The following ZC3H6 variants were observed in gnomAD, a reference collection of about 807,000 sequenced individuals.
ZC3H6 encodes the protein zinc finger CCCH domain-containing protein 6.
A neutral mutation model predicts 107.7 loss-of-function variants in ZC3H6; 40 were observed. The ratio of observed to expected loss-of-function variants is 0.37; its 90% CI spans 0.29 to 0.48. The LOEUF (loss-of-function observed/expected upper bound fraction) is 0.48. Among genes scored for constraint, ZC3H6 ranks in the 20% least tolerant of loss-of-function variants. ZC3H6 has a pLI of 0.98. For missense variants in ZC3H6, 1,267 were observed against 1,410.4 expected (o/e 0.90, Z 1.63); for synonymous variants, 493 against 487.9 (o/e 1.01, Z -0.14).
Position 112,316,479 on chromosome 2 carries a change from C to A in ZC3H6, c.757C>A (p.Pro253Thr), listed in dbSNP as rs1181709704. ...VSDDFQEYNK[P>T]GKKWKVMTQE... The stretch of plus-strand genomic sequence containing the variant: ...AATTTTTTTCTTGCAGTATAATAAA[C>A]CAGGGAAAAAATGGAAGGTTATGAC... The change falls in exon 6 of 12, where the codon CCA becomes ACA. Residue 253 changes from proline (P) to threonine (T), a missense_variant. Pro to Thr is a conservative substitution (Grantham distance 38). Transcript: ENST00000409871. 9 of 1,600,678 alleles carry A rather than the reference C, an allele frequency of 5.6e-6. No individual in the cohort carries two copies. Among genetic ancestry groups the A allele is most frequent in the Non-Finnish European group, 7.7e-6 (9 of 1,173,762 alleles).
At chr2:112,298,706 A>T (rs757013357) in intron 1 of ZC3H6, among the ~76,000 whole-genome samples, 3 of 152,266 alleles carry the variant, frequency 2.0e-5, no homozygotes, top group Non-Finnish European at 4.4e-5. Flanking sequence ...AAATGAATAT[A>T]CAGCCATGAA....
intron 1 of ZC3H6, among the ~76,000 whole-genome samples, chr2:112,279,543 A>G (rs1047881279): frequency 2.0e-5 from 3 of 152,172 alleles, no homozygotes; most frequent in Non-Finnish European, 4.4e-5. Context: ...TTTATAATAC[A>G]TAAACAACCT....
Position 112,338,855 on chromosome 2 carries a change from GTATATATATATATATATATATATATATA to G in ZC3H6, c.*6398_*6425del, listed in dbSNP as rs1157174486. ...TATATATATATGTATGTATATGTGT[GTATATATATATATATATATATATATATA>G]TATATATATATATATATATATATAT... On this transcript the variant is annotated 3_prime_UTR_variant, in exon 12 of 12. Coordinates refer to ENST00000409871, the MANE Select transcript of ZC3H6 (RefSeq NM_198581.3). 190 of 38,454 alleles carry G rather than the reference GTATATATATATATATATATATATATATA, an allele frequency of 4.9e-3. 8 individuals are homozygous for G. The South Asian group carries it at 0.063, about 13-fold the overall frequency. The allele number at this position is 38,454 out of a possible 1,614,324, so 2.4% of individuals were successfully genotyped here.
At chr2:112,310,596 A>G (rs1449179681) in intron 4 of ZC3H6, among the ~76,000 whole-genome samples, 1 of 152,238 alleles carries the variant, frequency 6.6e-6, no homozygotes, top group Admixed American at 6.5e-5. Context: ...AGATAAAAAC[A>G]TAATCTAAAG....
chr2:112,316,643 A>G (rs1676701183), intron 6 of ZC3H6, 57 bp downstream of exon 6: 2 of 1,186,990 alleles, frequency 1.7e-6, no homozygotes, highest in Non-Finnish European at 2.3e-6. Flanking sequence ...CTTTAAAATT[A>G]AAGTCTTTTG....
intron 1 of ZC3H6, among the ~76,000 whole-genome samples, chr2:112,293,619 G>C (rs1228457913): frequency 6.6e-6 from 1 of 152,218 alleles, no homozygotes; most frequent in Non-Finnish European, 1.5e-5. Context: ...CATGGCCCCA[G>C]TGTGAGCAGA....
At position 112,333,251 on chromosome 2, in the gene ZC3H6, T is replaced by G. The variant is rs1351019670; in HGVS notation, c.*763T>G. 1 of 152,612 alleles carries G rather than the reference T, an allele frequency of 6.6e-6. No homozygotes were observed. The highest frequency in any genetic ancestry group is 1.5e-5 in the Non-Finnish European group (1 of 67,988). The allele number at this position is 152,612 out of a possible 1,614,324, so 9.5% of individuals were successfully genotyped here. On this transcript the variant is annotated 3_prime_UTR_variant, in exon 12 of 12. Transcript: ENST00000409871. ...ATTGTGATGTTTATGTATGTCAATG[T>G]TTTTGTCTTTAACAGCATAATTTAT...
chr2:112,310,147 AAGG>A lies in ZC3H6; in HGVS notation c.602_604del (p.Gly201del), dbSNP rs758210896. ...GAATCAGGAAAAAAACAGAGAATGA[AAGG>A]AGTTCAGCAAGGTAAGTTTGAAATT... On this transcript the variant is annotated inframe_deletion, in exon 4 of 12. Transcript: ENST00000409871. The A allele has an allele frequency of 3.7e-6, 6 of 1,612,604 alleles. No homozygotes were observed. The African/African-American group carries it at 8.0e-5, about 22-fold the overall frequency.
chr2:112,326,611 TTTTTG>T (rs1306026913), intron 11 of ZC3H6, among the ~76,000 whole-genome samples: 2 of 152,076 alleles, frequency 1.3e-5, no homozygotes, highest in Middle Eastern at 3.2e-3. Flanking sequence ...CATTGTCTGT[TTTTTG>T]TTTTGTTTTG....
chr2:112,300,125 C>A, intron 2 of ZC3H6, 96 bp downstream of exon 2: 1 of 791,098 alleles, frequency 1.3e-6, no homozygotes, highest in Non-Finnish European at 1.8e-6. Context: ...TATTATAAAA[C>A]ATGTGGATTA....
At chr2:112,306,228 A>C (rs4258804) in intron 3 of ZC3H6, among the ~76,000 whole-genome samples, 2 of 149,116 alleles carry the variant, frequency 1.3e-5, no homozygotes, top group Non-Finnish European at 3.0e-5. Context: ...GCTGGAGTGC[A>C]GTGGCGTGAT....
At chr2:112,319,816 A>T (rs1676767552) in intron 7 of ZC3H6, among the ~76,000 whole-genome samples, 1 of 152,212 alleles carries the variant, frequency 6.6e-6, no homozygotes, top group African/African-American at 2.4e-5. Flanking sequence ...TTAGAAAAAA[A>T]ATCCTAAGTA....
At chr2:112,285,852 T>C (rs1479008862) in intron 1 of ZC3H6, among the ~76,000 whole-genome samples, 1 of 152,020 alleles carries the variant, frequency 6.6e-6, no homozygotes, top group Non-Finnish European at 1.5e-5. Context: ...TCCCAGCTAC[T>C]TGGGAGGCTG....
Position 112,331,540 on chromosome 2 carries a change from A to G in ZC3H6, c.2622A>G (p.Ala874=). ...MDITLTKPNF[A]KHIVWAPEDL... ...TTACTCTAACCAAACCCAACTTTGCAAAACACATCGTGTGGGCTCCCGAAG... is the reference window on the plus strand; with the variant it reads ...TTACTCTAACCAAACCCAACTTTGCGAAACACATCGTGTGGGCTCCCGAAG... Residue 874 remains alanine, a synonymous_variant, in exon 12 of 12, where the codon GCA becomes GCG. Transcript: ENST00000409871. 6.2e-7 allele frequency: 1 copy of G among 1,614,012 alleles called. No individual in the cohort carries two copies. Among genetic ancestry groups the G allele is most frequent in the Non-Finnish European group, 8.5e-7 (1 of 1,179,892 alleles).
In ZC3H6 at chr2:112,276,044, T is replaced by C; in HGVS notation, c.32+18T>C. Reference sequence around the variant, plus strand: ...CACGACAGGTCGGGAACCCTTCTTGTCTGTCTTTCTGTCGGATGAGAGGAG... The same window carrying C: ...CACGACAGGTCGGGAACCCTTCTTGCCTGTCTTTCTGTCGGATGAGAGGAG... On this transcript the variant is annotated intron_variant, in intron 1 of 11. Transcript: ENST00000409871. 1 of 1,538,730 alleles carries C rather than the reference T, an allele frequency of 6.5e-7. No individual in the cohort carries two copies. Among genetic ancestry groups the C allele is most frequent in the Non-Finnish European group, 8.8e-7 (1 of 1,141,498 alleles).
intron 1 of ZC3H6, among the ~76,000 whole-genome samples, chr2:112,290,560 G>A (rs1558947247): frequency 6.6e-6 from 1 of 152,168 alleles, no homozygotes; most frequent in Admixed American, 6.5e-5. Flanking sequence ...AACTTCATGA[G>A]AGAAGAAACC....
intron 5 of ZC3H6, among the ~76,000 whole-genome samples, chr2:112,312,968 T>C (rs1676620949): frequency 6.6e-6 from 1 of 152,102 alleles, no homozygotes; most frequent in South Asian, 2.1e-4. Context: ...TTAAAGATAG[T>C]GGGCAGAGAT....
intron 1 of ZC3H6, among the ~76,000 whole-genome samples, chr2:112,280,816 G>A (rs1287831234): frequency 6.6e-6 from 1 of 152,146 alleles, no homozygotes; most frequent in African/African-American, 2.4e-5. Context: ...ACTATTTTGG[G>A]GAATGGGGAA....
chr2:112,314,563 GGTGT>G (rs139897769), intron 5 of ZC3H6, among the ~76,000 whole-genome samples: 3 of 150,580 alleles, frequency 2.0e-5, no homozygotes, highest in Admixed American at 6.6e-5. Context: ...CATTTTTCAG[GGTGT>G]GTGTGTGTGT....
Sources: allele counts gnomAD v4.1 joint callset (sites outside exome capture counted in the v4.1 genomes callset), GRCh38; gene constraint gnomAD v4.1.1; transcripts MANE v1.5; gene names NCBI Gene and HGNC (gene_info 2026-07-23, HGNC 2026-07-21).